VPS53: variants seen among roughly 807,000 people sequenced by gnomAD.
VPS53 encodes VPS53 subunit of GARP complex.
In VPS53, 70 loss-of-function variants were observed where a neutral mutation model predicts 107.0. The ratio of observed to expected loss-of-function variants is 0.65; its 90% CI spans 0.54 to 0.80. VPS53 has a LOEUF of 0.80. Ranked by LOEUF, VPS53 falls within the 30% of genes least tolerant of loss-of-function variation. VPS53 has a pLI of 0.00. For synonymous variants in VPS53, 409 were observed against 393.3 expected (o/e 1.04, Z -0.47); for missense variants, 917 against 1,049.4 (o/e 0.87, Z 1.74).
chr17:537,095 G>C lies in VPS53; in HGVS notation c.1948C>G (p.Pro650Ala). ...GAAGCCAGGTTGTCACGGATGATGGGGACGTTCTGCTTGATGTGCAGAATG... is the reference window on the plus strand; with the variant it reads ...GAAGCCAGGTTGTCACGGATGATGGCGACGTTCTGCTTGATGTGCAGAATG... Reference protein sequence around the residue: ...SVILHIKQNVPIIRDNLASTR... With the variant: ...SVILHIKQNVAIIRDNLASTR... The change falls in exon 18 of 22, where the codon CCC becomes GCC. Residue 650 changes from proline to alanine, a missense_variant. Coordinates refer to ENST00000437048, the MANE Select transcript of VPS53 (RefSeq NM_001128159.3). 1 of 1,614,174 alleles carries C rather than the reference G, an allele frequency of 6.2e-7. No individual in the cohort carries two copies. The highest frequency in any genetic ancestry group is 8.5e-7 in the Non-Finnish European group (1 of 1,180,048).
intron 4 of VPS53, among the ~76,000 whole-genome samples, chr17:670,218 AACTGGGCACTGG>A (rs1971878798): frequency 6.6e-6 from 1 of 151,548 alleles, no homozygotes; most frequent in African/African-American, 2.4e-5. Context: ...GGCACTGGTG[AACTGGGCACTGG>A]TGAACTGGGC....
intron 13 of VPS53, among the ~76,000 whole-genome samples, chr17:567,025 G>A (rs1913590102): frequency 6.6e-6 from 1 of 152,096 alleles, no homozygotes; most frequent in Non-Finnish European, 1.5e-5. Context: ...GATTACAGGC[G>A]TGAGCCACTG....
At chr17:610,767 A>C (rs1049275620) in intron 11 of VPS53, among the ~76,000 whole-genome samples, 2 of 150,710 alleles carry the variant, frequency 1.3e-5, no homozygotes, top group African/African-American at 4.9e-5. Flanking sequence ...AAAAAAAAAA[A>C]AAAATACAAA....
chr17:711,642 T>C (rs975088185), intron 1 of VPS53, among the ~76,000 whole-genome samples: 31 of 152,310 alleles, frequency 2.0e-4, no homozygotes, highest in Admixed American at 5.9e-4. Context: ...TCTCAGTTTC[T>C]GTATTCCTCT....
chr17:566,729 GTTTT>G (rs199818178), intron 13 of VPS53, among the ~76,000 whole-genome samples: 1 of 149,766 alleles, frequency 6.7e-6, no homozygotes, highest in Non-Finnish European at 1.5e-5. Flanking sequence ...TGTTTTTTTT[GTTTT>G]TTTTTGTTTT....
chr17:602,645 A>G (rs1968381401), intron 11 of VPS53, among the ~76,000 whole-genome samples: 1 of 152,176 alleles, frequency 6.6e-6, no homozygotes, highest in African/African-American at 2.4e-5. Flanking sequence ...TGGCCCTATC[A>G]CCCAGCTTCT....
At chr17:635,381 G>C (rs1970153669) in intron 7 of VPS53, among the ~76,000 whole-genome samples, 1 of 152,144 alleles carries the variant, frequency 6.6e-6, no homozygotes, top group South Asian at 2.1e-4. Flanking sequence ...CTTTTGCTGT[G>C]CAGAAGCTCT....
intron 18 of VPS53, among the ~76,000 whole-genome samples, chr17:534,294 T>G (rs1909848231): frequency 6.6e-6 from 1 of 152,240 alleles, no homozygotes; most frequent in South Asian, 2.1e-4. Context: ...TGAGGGAAGT[T>G]GCTTGTGGTT....
At chr17:590,553 T>G (rs897956114) in intron 12 of VPS53, among the ~76,000 whole-genome samples, 3 of 152,176 alleles carry the variant, frequency 2.0e-5, no homozygotes, top group African/African-American at 7.2e-5. Flanking sequence ...ATACGTCCCA[T>G]CAATACCTAA....
rs149403294 is a variant in VPS53, at chr17:662,418, A to G, written c.286-523T>C. On this transcript the variant is annotated intron_variant, in intron 4 of 21. Coordinates refer to ENST00000437048, the MANE Select transcript of VPS53 (RefSeq NM_001128159.3). ...TAGAAAGGAACACTGGGCCGGACAC[A>G]GTGGCTCACGCCTGTAATCCCAGCA... Among the ~76,000 whole-genome samples the G allele has an allele frequency of 1.6e-3, 243 of 152,326 alleles. 6 individuals are homozygous for G. In the East Asian group the frequency reaches 0.036, roughly 23 times the overall value.
chr17:548,613 C>T (rs943615420), intron 17 of VPS53, among the ~76,000 whole-genome samples: 3 of 131,738 alleles, frequency 2.3e-5, no homozygotes, highest in Non-Finnish European at 5.0e-5. Flanking sequence ...TTTGGCCAGC[C>T]AACAGTCCTT....
chr17:704,967 G>A (rs1450914073), intron 2 of VPS53, among the ~76,000 whole-genome samples: 1 of 152,012 alleles, frequency 6.6e-6, no homozygotes, highest in East Asian at 1.9e-4. Flanking sequence ...AAGGCTTTTC[G>A]TGAAATCTCA....
intron 13 of VPS53, among the ~76,000 whole-genome samples, chr17:580,396 A>G (rs1021522099): frequency 1.1e-4 from 16 of 143,472 alleles, no homozygotes; most frequent in African/African-American, 3.9e-4. Flanking sequence ...CAGGACCTCA[A>G]TCTGTTCCCA....
At chr17:545,273 T>C (rs1416225204) in intron 17 of VPS53, among the ~76,000 whole-genome samples, 1 of 152,150 alleles carries the variant, frequency 6.6e-6, no homozygotes, top group Non-Finnish European at 1.5e-5. Flanking sequence ...TCTAGCAAAC[T>C]ACCGCTCTGC....
intron 11 of VPS53, among the ~76,000 whole-genome samples, chr17:611,170 C>T (rs747628463): frequency 1.3e-5 from 2 of 152,050 alleles, no homozygotes; most frequent in Admixed American, 1.3e-4. Flanking sequence ...CCCGCCACCA[C>T]GCCTGGCTAA....
chr17:644,061 T>C (rs1257708962), intron 7 of VPS53, among the ~76,000 whole-genome samples: 2 of 152,216 alleles, frequency 1.3e-5, no homozygotes, highest in African/African-American at 4.8e-5. Flanking sequence ...CCATTCTTCA[T>C]TGGGAGATAC....
rs1037259494 is a variant in VPS53 at position 562,642 on chromosome 17, C to T, written c.1417G>A (p.Asp473Asn). 22 of 1,613,622 alleles carry T rather than the reference C, an allele frequency of 1.4e-5. No individual in the cohort carries two copies. Among genetic ancestry groups the T allele is most frequent in the African/African-American group, 2.7e-5 (2 of 74,766 alleles). Reference sequence around the variant, plus strand: ...CACTTCTTGTAGTAGACAAAGAGGTCGGCGCAGCTGGGGAGCACGGCACCC... The same window carrying T: ...CACTTCTTGTAGTAGACAAAGAGGTTGGCGCAGCTGGGGAGCACGGCACCC... ...EGGAVLPSCA[D>N]LFVYYKKCMV... The change falls in exon 14 of 22, where the codon GAC (aspartate) becomes AAC (asparagine). Residue 473 changes from aspartate (D) to asparagine (N), a missense_variant. Coordinates refer to ENST00000437048, the MANE Select transcript of VPS53 (RefSeq NM_001128159.3).
chr17:636,599 C>T (rs1484273875), intron 7 of VPS53, among the ~76,000 whole-genome samples: 5 of 152,152 alleles, frequency 3.3e-5, no homozygotes, highest in Non-Finnish European at 7.3e-5. Flanking sequence ...CCATCAATGC[C>T]TAATTTATTG....
At chr17:672,770 G>A (rs1972016003) in intron 4 of VPS53, among the ~76,000 whole-genome samples, 1 of 152,166 alleles carries the variant, frequency 6.6e-6, no homozygotes. Context: ...GGGCTTGTAA[G>A]GAATACATGT....
Sources: allele counts gnomAD v4.1 joint callset (sites outside exome capture counted in the v4.1 genomes callset), GRCh38; gene constraint gnomAD v4.1.1; transcripts MANE v1.5; gene names NCBI Gene and HGNC (gene_info 2026-07-23, HGNC 2026-07-21).